Variants in CWC27 observed in about 807,000 individuals in gnomAD.
The protein encoded by CWC27 is spliceosome-associated protein CWC27 homolog.
Under a neutral mutation model 63.6 loss-of-function variants are expected in CWC27, and 47 were observed. That is an observed-to-expected ratio of 0.74 (90% CI 0.58 to 0.94). The LOEUF (loss-of-function observed/expected upper bound fraction) is 0.94. Ranked by LOEUF, CWC27 falls within the 40% of genes least tolerant of loss-of-function variation. The pLI, the probability that CWC27 is intolerant of heterozygous loss-of-function variation, is 0.00. For missense variants in CWC27, 495 were observed against 554.3 expected (o/e 0.89, Z 1.07); for synonymous variants, 175 against 179.8 (o/e 0.97, Z 0.22).
At chr5:64,972,822 A>G (rs1315302809) in intron 12 of CWC27, 4 of 347,268 alleles carry the variant, frequency 1.2e-5, no homozygotes. Flanking sequence ...TAATCACTGT[A>G]TTTGGCAGTC....
chr5:65,012,492 T>A lies in CWC27; in HGVS notation c.1257-5667T>A, dbSNP rs545728469. Among the ~76,000 whole-genome samples, 5 of 152,262 alleles carry A rather than the reference T, an allele frequency of 3.3e-5. No individual in the cohort carries two copies. In the East Asian group the frequency reaches 9.6e-4, roughly 29 times the overall value. On this transcript the variant is annotated intron_variant, in intron 13 of 13. Transcript: ENST00000381070. ...TCCAAACTCTGCGTTTACCACATCG[T>A]GGTGTCTGTCTGTATGTTCTTACAG... is the stretch of plus-strand genomic sequence containing the variant.
chr5:64,921,211 G>A (rs1464658903), intron 11 of CWC27, among the ~76,000 whole-genome samples: 2 of 152,138 alleles, frequency 1.3e-5, no homozygotes, highest in Admixed American at 1.3e-4. Context: ...TCAGTCAAGA[G>A]CAAGTTGTTT....
chr5:64,961,796 T>G (rs571697272), intron 11 of CWC27, among the ~76,000 whole-genome samples: 2 of 152,304 alleles, frequency 1.3e-5, no homozygotes, highest in East Asian at 3.9e-4. Flanking sequence ...ATATCCTGTT[T>G]CCTCACTTGT....
At chr5:64,806,152 CACTT>C (rs146868217) in intron 10 of CWC27, among the ~76,000 whole-genome samples, 45,198 of 151,740 alleles carry the variant, frequency 0.3, 7,032 homozygotes, top group East Asian at 0.5. Flanking sequence ...CATATATATC[CACTT>C]ACTTATGTAA....
intron 10 of CWC27, among the ~76,000 whole-genome samples, chr5:64,870,550 ATTTAAC>A (rs1458808584): frequency 5.3e-5 from 8 of 151,854 alleles, no homozygotes; most frequent in Non-Finnish European, 8.8e-5. Context: ...ATTTGATTAA[ATTTAAC>A]TTTACAATGA....
intron 13 of CWC27, among the ~76,000 whole-genome samples, chr5:65,010,516 G>A (rs564834570): frequency 6.6e-6 from 1 of 152,132 alleles, no homozygotes; most frequent in Non-Finnish European, 1.5e-5. Context: ...ATTTTGTTAG[G>A]TTTCTTAGAA....
intron 11 of CWC27, among the ~76,000 whole-genome samples, chr5:64,956,634 T>G (rs1425549651): frequency 3.3e-5 from 5 of 152,172 alleles, no homozygotes; most frequent in Admixed American, 3.3e-4. Context: ...TCTTACCCTT[T>G]GTCCAGTATA....
chr5:64,941,283 A>G (rs1188020001), intron 11 of CWC27, among the ~76,000 whole-genome samples: 2 of 152,076 alleles, frequency 1.3e-5, no homozygotes, highest in African/African-American at 4.8e-5. Flanking sequence ...GCTCAATCCT[A>G]TTGCTTCTAG....
intron 11 of CWC27, among the ~76,000 whole-genome samples, chr5:64,933,874 C>T (rs558788702): frequency 6.6e-6 from 1 of 152,214 alleles, no homozygotes; most frequent in Admixed American, 6.5e-5. Flanking sequence ...GTGTATATTT[C>T]CTAAAGAAGG....
At chr5:64,881,498 CT>C (rs1746934074) in intron 10 of CWC27, among the ~76,000 whole-genome samples, 1 of 152,088 alleles carries the variant, frequency 6.6e-6, no homozygotes, top group Admixed American at 6.5e-5. Flanking sequence ...ACAGACAGCT[CT>C]TAACAGTGGT....
chr5:64,904,231 G>A (rs966149984), intron 11 of CWC27, among the ~76,000 whole-genome samples: 2 of 152,090 alleles, frequency 1.3e-5, no homozygotes, highest in Admixed American at 1.3e-4. Flanking sequence ...CCCACACCTG[G>A]ATACCAAAAT....
At chr5:64,784,341 A>T (rs1743806484) in intron 4 of CWC27, among the ~76,000 whole-genome samples, 1 of 152,180 alleles carries the variant, frequency 6.6e-6, no homozygotes. Context: ...TTTCTTAATG[A>T]TGGATTTTCT....
intron 10 of CWC27, among the ~76,000 whole-genome samples, chr5:64,859,503 A>C (rs1237334332): frequency 6.6e-6 from 1 of 152,226 alleles, no homozygotes; most frequent in African/African-American, 2.4e-5. Flanking sequence ...AATATTGGAG[A>C]AGAAGAAACA....
At chr5:64,789,834 A>G (rs568219147) in intron 7 of CWC27, among the ~76,000 whole-genome samples, 2 of 152,284 alleles carry the variant, frequency 1.3e-5, no homozygotes, top group South Asian at 4.1e-4. Context: ...GATTAGGTTT[A>G]TAGTCTTTAT....
intron 10 of CWC27, among the ~76,000 whole-genome samples, chr5:64,864,832 G>T (rs1298095675): frequency 6.6e-6 from 1 of 152,024 alleles, no homozygotes; most frequent in African/African-American, 2.4e-5. Context: ...TGTATATATT[G>T]TGGTATGATT....
chr5:64,828,653 T>C (rs1443212862), intron 10 of CWC27, among the ~76,000 whole-genome samples: 1 of 152,062 alleles, frequency 6.6e-6, no homozygotes, highest in Non-Finnish European at 1.5e-5. Flanking sequence ...CAGAGAATAG[T>C]ACCCAGTTTC....
chr5:64,967,063 A>G (rs1024214500), intron 11 of CWC27, among the ~76,000 whole-genome samples: 1 of 151,958 alleles, frequency 6.6e-6, no homozygotes, highest in East Asian at 1.9e-4. Context: ...TCTCCATTCT[A>G]TGAAAACTGC....
intron 10 of CWC27, among the ~76,000 whole-genome samples, chr5:64,813,075 T>G (rs1744924853): frequency 1.3e-5 from 2 of 152,194 alleles, no homozygotes; most frequent in South Asian, 2.1e-4. Flanking sequence ...AATAACACTT[T>G]AACATTATAT....
rs1414647200 is a variant in CWC27, at chr5:64,795,358, C to T, written c.670-4890C>T. Among the ~76,000 whole-genome samples, 3 of 152,124 alleles carry T rather than the reference C, an allele frequency of 2.0e-5. No homozygotes were observed. The East Asian group carries it at 5.8e-4, about 29-fold the overall frequency. ...AACATATTTTATTAATTTCGTATTA[C>T]TGTTTTAACAAATTGCCATAAACTT... On this transcript the variant is annotated intron_variant, in intron 7 of 13. Coordinates refer to ENST00000381070, the MANE Select transcript of CWC27 (RefSeq NM_005869.4).
Sources: gnomAD v4.1 joint callset for allele counts (sites outside exome capture counted in the v4.1 genomes callset) on GRCh38, gnomAD v4.1.1 for gene constraint, MANE v1.5 for transcripts, NCBI Gene and HGNC (gene_info 2026-07-23, HGNC 2026-07-21) for gene names.